KCND2: variants seen among roughly 807,000 people sequenced by gnomAD.
KCND2 encodes potassium voltage-gated channel subfamily D member 2.
In KCND2, 16 loss-of-function variants were observed where a neutral mutation model predicts 54.4. That is an observed-to-expected ratio of 0.29 (90% confidence interval 0.20 to 0.45). KCND2 has a LOEUF of 0.45. Among genes scored for constraint, KCND2 ranks in the 20% least tolerant of loss-of-function variants. The probability of loss-of-function intolerance (pLI) is 1.00; values close to 1 mark genes in which losing one functional copy is unlikely to be tolerated. For missense variants in KCND2, 486 were observed against 824.2 expected (o/e 0.59, Z 5.02); for synonymous variants, 317 against 310.7 (o/e 1.02, Z -0.21).
In KCND2 at chr7:120,470,545, A is replaced by G. The variant is rs548200538; in HGVS notation, c.1115+194798A>G. On this transcript the variant is annotated intron_variant, in intron 1 of 5. Coordinates refer to ENST00000331113, the MANE Select transcript of KCND2 (RefSeq NM_012281.3). ...ACAAAGGATGTTCTCCTCCTCCCAG[A>G]GTTCCTTATTCAATTTTCATAAACT... is the stretch of plus-strand genomic sequence containing the variant. Among the ~76,000 whole-genome samples, 3 of 152,172 alleles carry G rather than the reference A, an allele frequency of 2.0e-5. No individual in the cohort carries two copies. In the East Asian group the frequency reaches 5.8e-4, roughly 29 times the overall value.
Position 120,727,039 on chromosome 7 carries a change from C to T in KCND2, c.1116-5864C>T, listed in dbSNP as rs562821016. ...TATCTTTTAGTGTGTGTGGGACATA[C>T]TTTCAGAGATGGAAAGTCACGCATT... On this transcript the variant is annotated intron_variant, in intron 1 of 5. Coordinates refer to ENST00000331113, the MANE Select transcript of KCND2 (RefSeq NM_012281.3). 4.6e-5 allele frequency among the ~76,000 whole-genome samples: 7 copies of T among 152,252 alleles called. No individual in the cohort carries two copies. The South Asian group carries it at 1.2e-3, about 27-fold the overall frequency.
intron 4 of KCND2, among the ~76,000 whole-genome samples, chr7:120,744,144 C>T (rs535855013): frequency 2.6e-5 from 4 of 152,174 alleles, no homozygotes; most frequent in African/African-American, 9.6e-5. Flanking sequence ...AGCCTGTATT[C>T]CCAGCTACTC....
At chr7:120,346,623 CTT>C (rs1800321095) in intron 1 of KCND2, among the ~76,000 whole-genome samples, 1 of 151,988 alleles carries the variant, frequency 6.6e-6, no homozygotes, top group Non-Finnish European at 1.5e-5. Flanking sequence ...TTAGTAGTCT[CTT>C]TAATTTGTTT....
intron 1 of KCND2, among the ~76,000 whole-genome samples, chr7:120,522,650 T>G (rs1344741887): frequency 6.6e-6 from 1 of 152,206 alleles, no homozygotes; most frequent in African/African-American, 2.4e-5. Context: ...ATAACAATCC[T>G]GAGAATCATT....
At chr7:120,586,900 C>G (rs1792607380) in intron 1 of KCND2, among the ~76,000 whole-genome samples, 2 of 152,040 alleles carry the variant, frequency 1.3e-5, no homozygotes, top group African/African-American at 2.4e-5. Flanking sequence ...GGATAAAGCA[C>G]AACTTTATAA....
chr7:120,544,415 G>GTTC (rs1792018702), intron 1 of KCND2, among the ~76,000 whole-genome samples: 1 of 151,840 alleles, frequency 6.6e-6, no homozygotes, highest in Non-Finnish European at 1.5e-5. Context: ...CTAAAATGGA[G>GTTC]TTATAAGAAG....
In KCND2 at chr7:120,668,695, C is replaced by T. The variant is rs941549614; in HGVS notation, c.1116-64208C>T. ...CTGCAGGATTTGATAGTATATGACTCGAGAAAAGATTATTAAGAAGAAATA... is the reference window on the plus strand; with the variant it reads ...CTGCAGGATTTGATAGTATATGACTTGAGAAAAGATTATTAAGAAGAAATA... On this transcript the variant is annotated intron_variant, in intron 1 of 5. Transcript: ENST00000331113. Among the ~76,000 whole-genome samples the T allele has an allele frequency of 4.0e-5, 6 of 151,608 alleles. No homozygotes were observed. In the East Asian group the frequency reaches 1.2e-3, roughly 29 times the overall value.
intron 1 of KCND2, among the ~76,000 whole-genome samples, chr7:120,407,921 T>A (rs2116098955): frequency 6.6e-6 from 1 of 151,916 alleles, no homozygotes; most frequent in Admixed American, 6.6e-5. Flanking sequence ...CACTTTATTG[T>A]GTAGGTGAAG....
chr7:120,588,753 C>G (rs1168299044), intron 1 of KCND2, among the ~76,000 whole-genome samples: 1 of 152,114 alleles, frequency 6.6e-6, no homozygotes, highest in Non-Finnish European at 1.5e-5. Flanking sequence ...GGAACAGGAA[C>G]AGGACAGGAA....
Position 120,743,641 on chromosome 7 carries a change from A to T in KCND2, c.1467+1039A>T, listed in dbSNP as rs535120639. ...AGTGGAGACCTGCAGGGTGACTAGG[A>T]GTTAGCTAGGCAGAGCAATGAAGGG... On this transcript the variant is annotated intron_variant, in intron 4 of 5. Coordinates refer to ENST00000331113, the MANE Select transcript of KCND2 (RefSeq NM_012281.3). Among the ~76,000 whole-genome samples the T allele has an allele frequency of 4.1e-4, 62 of 152,240 alleles. 1 individual carries two copies. In the South Asian group the frequency reaches 0.013, roughly 31 times the overall value.
chr7:120,398,578 TC>T (rs1374426357), intron 1 of KCND2, among the ~76,000 whole-genome samples: 1 of 152,100 alleles, frequency 6.6e-6, no homozygotes, highest in Non-Finnish European at 1.5e-5. Context: ...TTGATCGAGC[TC>T]TACTAGTGTA....
At chr7:120,446,849 A>G (rs1802025416) in intron 1 of KCND2, among the ~76,000 whole-genome samples, 1 of 152,188 alleles carries the variant, frequency 6.6e-6, no homozygotes, top group South Asian at 2.1e-4. Flanking sequence ...TGGAATTGAC[A>G]TAATTTCACT....
At chr7:120,437,967 G>C (rs1801894255) in intron 1 of KCND2, among the ~76,000 whole-genome samples, 1 of 152,320 alleles carries the variant, frequency 6.6e-6, no homozygotes, top group Non-Finnish European at 1.5e-5. Flanking sequence ...ATGTTGGAGA[G>C]CAGAGATTCT....
intron 1 of KCND2, among the ~76,000 whole-genome samples, chr7:120,566,293 T>C (rs1792296252): frequency 6.6e-6 from 1 of 152,208 alleles, no homozygotes; most frequent in Non-Finnish European, 1.5e-5. Flanking sequence ...ATACATCTTT[T>C]AAAATATTTG....
chr7:120,694,201 T>G (rs73423784), intron 1 of KCND2, among the ~76,000 whole-genome samples: 1 of 152,152 alleles, frequency 6.6e-6, no homozygotes, highest in South Asian at 2.1e-4. Context: ...ATTGTCTTCA[T>G]TTCCCAGAAT....
intron 1 of KCND2, among the ~76,000 whole-genome samples, chr7:120,459,504 C>T (rs1355007100): frequency 6.6e-6 from 1 of 152,134 alleles, no homozygotes; most frequent in Admixed American, 6.5e-5. Flanking sequence ...TTATCACTTT[C>T]TAGTCTTTTA....
intron 2 of KCND2, among the ~76,000 whole-genome samples, chr7:120,733,693 G>T (rs889901141): frequency 4.5e-4 from 69 of 152,198 alleles, no homozygotes; most frequent in African/African-American, 1.6e-3. Context: ...GTTGACACAA[G>T]AAGTAATCTG....
intron 1 of KCND2, among the ~76,000 whole-genome samples, chr7:120,613,377 A>G (rs1792980635): frequency 6.6e-6 from 1 of 152,118 alleles, no homozygotes; most frequent in Non-Finnish European, 1.5e-5. Flanking sequence ...CTAAAAATAC[A>G]AACATTAGCT....
Position 120,273,374 on chromosome 7 carries a change from C to T in KCND2, c.-1259C>T, listed in dbSNP as rs578237722. ...CTCGGACGAGAGCCCGTGCCGGCCC[C>T]GGCCCCGGCCCCACCGCGCCAACGC... On this transcript the variant is annotated 5_prime_UTR_variant, in exon 1 of 6. Transcript: ENST00000331113. Among the ~76,000 whole-genome samples the T allele has an allele frequency of 0.014, 2,081 of 148,108 alleles. 32 individuals are homozygous for T. Among genetic ancestry groups the T allele is most frequent in the Non-Finnish European group, 0.02 (1,351 of 66,504 alleles).
Sources: allele counts gnomAD v4.1 joint callset (sites outside exome capture counted in the v4.1 genomes callset), GRCh38; gene constraint gnomAD v4.1.1; transcripts MANE v1.5; gene names NCBI Gene and HGNC (gene_info 2026-07-23, HGNC 2026-07-21).